The following ADGRV1 variants were observed in gnomAD, a reference collection of about 807,000 sequenced individuals.
ADGRV1 encodes the protein adhesion G protein-coupled receptor V1.
Under a neutral mutation model 596.2 loss-of-function variants are expected in ADGRV1, and 359 were observed. The observed-to-expected ratio is 0.60, with a 90% CI of 0.55 to 0.66. ADGRV1 has a LOEUF of 0.66. Ranked by LOEUF, ADGRV1 falls within the 30% of genes least tolerant of loss-of-function variation. The pLI, the probability that ADGRV1 is intolerant of heterozygous loss-of-function variation, is 0.00. For synonymous variants in ADGRV1, 2,681 were observed against 2,679.2 expected, an observed-to-expected ratio of 1.00 and a Z score of -0.02; for missense variants, 7,274 against 7,575.6, an observed-to-expected ratio of 0.96 and a Z score of 1.48.
chr5:90,860,927 A>G (rs1230544307), intron 82 of ADGRV1, among the ~76,000 whole-genome samples: 1 of 152,172 alleles, frequency 6.6e-6, no homozygotes, highest in Admixed American at 6.5e-5. Context: ...AGTATCTCTC[A>G]TTCTTAAGTG....
rs971163039 is a variant in ADGRV1, at chr5:91,001,830, A to G, written c.18152+16308A>G. Among the ~76,000 whole-genome samples, 8 of 151,956 alleles carry G rather than the reference A, an allele frequency of 5.3e-5. No homozygotes were observed. The South Asian group carries it at 6.2e-4, about 12-fold the overall frequency. On this transcript the variant is annotated intron_variant, in intron 85 of 89. Transcript: ENST00000405460. ...ATCAATTAACTTATTTGGTCTTTCT[A>G]TCTCACACATTTGCATTATATTTTC...
At chr5:90,718,384 TG>T (rs1353610644) in intron 43 of ADGRV1, 1 of 152,228 alleles carries the variant, frequency 6.6e-6, no homozygotes, top group Non-Finnish European at 1.5e-5. Context: ...TCCAGCTATC[TG>T]TTGTTTCCAC....
At chr5:90,975,814 G>T (rs1336433246) in intron 84 of ADGRV1, among the ~76,000 whole-genome samples, 8 of 151,718 alleles carry the variant, frequency 5.3e-5, no homozygotes, top group African/African-American at 1.5e-4. Flanking sequence ...TAACAAACCT[G>T]CACATTGTGC....
intron 74 of ADGRV1, 103 bp from the exon 75 acceptor site, chr5:90,815,516 A>T: frequency 1.6e-6 from 1 of 611,860 alleles, no homozygotes; most frequent in Admixed American, 2.9e-5. Flanking sequence ...ACCACCTGTG[A>T]ATTTCTCACT....
chr5:91,132,114 CT>C (rs1794268199), intron 87 of ADGRV1, among the ~76,000 whole-genome samples: 1 of 152,102 alleles, frequency 6.6e-6, no homozygotes, highest in Admixed American at 6.6e-5. Flanking sequence ...AGGTGTGCAA[CT>C]TTATTTTGGG....
At chr5:90,900,224 G>A (rs1771714612) in intron 83 of ADGRV1, among the ~76,000 whole-genome samples, 1 of 151,924 alleles carries the variant, frequency 6.6e-6, no homozygotes, top group African/African-American at 2.4e-5. Flanking sequence ...TGAGCAGAAA[G>A]TAGTATTTGA....
chr5:90,861,601 G>A (rs1767587288), intron 82 of ADGRV1, among the ~76,000 whole-genome samples: 1 of 151,656 alleles, frequency 6.6e-6, no homozygotes, highest in African/African-American at 2.4e-5. Context: ...GAGCCACCAT[G>A]CCCGGCTATA....
At chr5:90,852,132 C>G (rs575239905) in intron 79 of ADGRV1, among the ~76,000 whole-genome samples, 2 of 152,236 alleles carry the variant, frequency 1.3e-5, no homozygotes, top group East Asian at 3.9e-4. Flanking sequence ...GACAAAGGAC[C>G]TAGAGCCCCA....
At chr5:90,957,377 ACTT>A (rs1777568749) in intron 83 of ADGRV1, among the ~76,000 whole-genome samples, 1 of 151,738 alleles carries the variant, frequency 6.6e-6, no homozygotes, top group South Asian at 2.1e-4. Context: ...ATAAATTAGT[ACTT>A]CTTTGGCTGT....
intron 1 of ADGRV1, among the ~76,000 whole-genome samples, chr5:90,568,741 C>T (rs1331306754): frequency 6.6e-6 from 1 of 152,094 alleles, no homozygotes; most frequent in Non-Finnish European, 1.5e-5. Flanking sequence ...GTTAAATTGT[C>T]TGTTTTTCCC....
chr5:90,759,536 T>C lies in ADGRV1; in HGVS notation c.12068T>C (p.Val4023Ala). ...GGTGATGATGTTGTGGTAACTGTTG[T>C]TATTCCACAAAATGATTCTCCATTT... ...RLGDDVVVTV[V>A]IPQNDSPFGV... Residue 4023 changes from valine to alanine, a missense_variant, in exon 58 of 90, where the codon GTT becomes GCT. Coordinates refer to ENST00000405460, the MANE Select transcript of ADGRV1 (RefSeq NM_032119.4). The C allele has an allele frequency of 1.2e-6, 2 of 1,613,276 alleles. No homozygotes were observed. The highest frequency in any genetic ancestry group is 1.7e-6 in the Non-Finnish European group (2 of 1,179,352).
At chr5:90,965,114 G>A (rs985723376) in intron 83 of ADGRV1, among the ~76,000 whole-genome samples, 1 of 152,046 alleles carries the variant, frequency 6.6e-6, no homozygotes, top group African/African-American at 2.4e-5. Flanking sequence ...TAAAATAAAT[G>A]TATTTCATGG....
intron 83 of ADGRV1, among the ~76,000 whole-genome samples, chr5:90,941,149 A>T (rs80029314): frequency 6.7e-6 from 1 of 149,706 alleles, no homozygotes; most frequent in Middle Eastern, 3.4e-3. Context: ...AAAAAAAAAA[A>T]GTCTAAGCAG....
At chr5:90,973,046 G>A (rs1312013673) in intron 84 of ADGRV1, among the ~76,000 whole-genome samples, 12 of 151,930 alleles carry the variant, frequency 7.9e-5, no homozygotes, top group Non-Finnish European at 1.0e-4. Flanking sequence ...CAGAAATACA[G>A]ACTACCATCA....
intron 21 of ADGRV1, among the ~76,000 whole-genome samples, chr5:90,669,308 C>T (rs1331230827): frequency 6.6e-6 from 1 of 152,156 alleles, no homozygotes; most frequent in African/African-American, 2.4e-5. Context: ...TGTCCAACAT[C>T]TTAAGGTTGG....
At chr5:91,084,986 A>G (rs1215823973) in intron 86 of ADGRV1, among the ~76,000 whole-genome samples, 2 of 152,348 alleles carry the variant, frequency 1.3e-5, no homozygotes, top group Admixed American at 1.3e-4. Context: ...AGGACAGAAA[A>G]GCAAACACCA....
intron 85 of ADGRV1, among the ~76,000 whole-genome samples, chr5:91,048,644 T>A (rs751392658): frequency 9.2e-5 from 14 of 152,180 alleles, no homozygotes; most frequent in Admixed American, 2.0e-4. Context: ...TTCTAAACTT[T>A]CTTTCTCTCT....
intron 75 of ADGRV1, among the ~76,000 whole-genome samples, chr5:90,820,566 T>C (rs2150282129): frequency 6.6e-6 from 1 of 152,100 alleles, no homozygotes; most frequent in South Asian, 2.1e-4. Context: ...GTTGTTCCTT[T>C]CCATGTTTAG....
At chr5:90,923,719 C>T (rs953553108) in intron 83 of ADGRV1, among the ~76,000 whole-genome samples, 8 of 151,940 alleles carry the variant, frequency 5.3e-5, no homozygotes, top group African/African-American at 1.7e-4. Flanking sequence ...CATGCTGGTG[C>T]GCTGCACCCA....
Sources: gnomAD v4.1 joint callset for allele counts (sites outside exome capture counted in the v4.1 genomes callset) on GRCh38, gnomAD v4.1.1 for gene constraint, MANE v1.5 for transcripts, NCBI Gene and HGNC (gene_info 2026-07-23, HGNC 2026-07-21) for gene names.